MIPOL1: variants seen among roughly 807,000 people sequenced by gnomAD.
The protein encoded by MIPOL1 is mirror-image polydactyly 1.
MIPOL1 carries 57 observed loss-of-function variants against 60.9 expected under a neutral mutation model. The ratio of observed to expected loss-of-function variants is 0.94; its 90% confidence interval spans 0.76 to 1.17. MIPOL1 has a LOEUF of 1.17. MIPOL1 is among the 50% of genes most tolerant of loss of function. The pLI is 0.00. For synonymous variants in MIPOL1, 179 were observed against 168.8 expected, an observed-to-expected ratio of 1.06 and a Z score of -0.47; for missense variants, 551 against 511.6, an observed-to-expected ratio of 1.08 and a Z score of -0.74.
At chr14:37,200,848 CTATGTGTGTGTGTGTGTGTG>C (rs1339131157) in intron 1 of MIPOL1, among the ~76,000 whole-genome samples, 3 of 94,856 alleles carry the variant, frequency 3.2e-5, no homozygotes, top group Non-Finnish European at 6.3e-5. Flanking sequence ...CTATATCTAT[CTATGTGTGTGTGTGTGTGTG>C]TGTGTGTGTG....
intron 7 of MIPOL1, among the ~76,000 whole-genome samples, chr14:37,296,048 T>G (rs2085637363): frequency 6.6e-6 from 1 of 152,162 alleles, no homozygotes; most frequent in Non-Finnish European, 1.5e-5. Flanking sequence ...GACCACATAG[T>G]TGGAAGTAAA....
chr14:37,330,823 A>T (rs937717265), intron 9 of MIPOL1, among the ~76,000 whole-genome samples: 4 of 151,688 alleles, frequency 2.6e-5, no homozygotes, highest in Admixed American at 6.6e-5. Context: ...TTAGGATGCC[A>T]GGAGGAGAGA....
intron 1 of MIPOL1, among the ~76,000 whole-genome samples, chr14:37,220,375 CTTT>C (rs1968544020): frequency 6.6e-6 from 1 of 152,112 alleles, no homozygotes; most frequent in Non-Finnish European, 1.5e-5. Flanking sequence ...CAAACTTCTT[CTTT>C]AAGCAGCATG....
rs200786419 is a variant in MIPOL1, at chr14:37,435,755, A to G, written c.1031+12806A>G. Among the ~76,000 whole-genome samples the G allele has an allele frequency of 6.6e-5, 10 of 152,236 alleles. No homozygotes were observed. The East Asian group carries it at 1.9e-3, about 29-fold the overall frequency. On this transcript the variant is annotated intron_variant, in intron 11 of 12. Coordinates refer to ENST00000684589, the MANE Select transcript of MIPOL1 (RefSeq NM_001388067.1). ...TTTAACTTTCATTTCATACCCTAAT[A>G]AAGTGTTTGAATTTAAAAATTTTTT...
chr14:37,330,865 T>C lies in MIPOL1; in HGVS notation c.828+22346T>C, dbSNP rs564836295. Among the ~76,000 whole-genome samples, 13 of 152,254 alleles carry C rather than the reference T, an allele frequency of 8.5e-5. No individual in the cohort carries two copies. The South Asian group carries it at 2.3e-3, about 27-fold the overall frequency. Reference sequence around the variant, plus strand: ...AGGGATGGGTTAAACAGACAAGTGATAAATTAGTTTTTGTGACTTTTGTGT... The same window carrying C: ...AGGGATGGGTTAAACAGACAAGTGACAAATTAGTTTTTGTGACTTTTGTGT... On this transcript the variant is annotated intron_variant, in intron 9 of 12. Coordinates refer to ENST00000684589, the MANE Select transcript of MIPOL1 (RefSeq NM_001388067.1).
chr14:37,535,387 T>C (rs1232811786), intron 12 of MIPOL1, among the ~76,000 whole-genome samples: 2 of 152,202 alleles, frequency 1.3e-5, no homozygotes, highest in East Asian at 1.9e-4. Flanking sequence ...AGTTTCTTGC[T>C]GAATTTCAAG....
intron 3 of MIPOL1, among the ~76,000 whole-genome samples, chr14:37,261,185 G>A (rs1042312629): frequency 1.3e-5 from 2 of 151,466 alleles, no homozygotes; most frequent in African/African-American, 4.8e-5. Context: ...GAATTAGGTG[G>A]CATTCTATTT....
chr14:37,308,072 C>A lies in MIPOL1; in HGVS notation c.640C>A (p.Pro214Thr). 6.2e-7 allele frequency: 1 copy of A among 1,610,484 alleles called. No individual in the cohort carries two copies. Among genetic ancestry groups the A allele is most frequent in the African/African-American group, 1.3e-5 (1 of 74,768 alleles). The stretch of plus-strand genomic sequence containing the variant: ...TTTTTCTAGGCTAGAAAATATTAAC[C>A]CTGAAGAAAATGACATGGTAAGCCA... ...MSLKVLENIN[P>T]EENDMTLQEL... Residue 214 changes from proline to threonine, a missense_variant, in exon 8 of 13, where the codon CCT (proline) becomes ACT (threonine). Pro to Thr is a conservative substitution (Grantham distance 38). Coordinates refer to ENST00000684589, the MANE Select transcript of MIPOL1 (RefSeq NM_001388067.1).
intron 11 of MIPOL1, among the ~76,000 whole-genome samples, chr14:37,465,584 A>G (rs773639673): frequency 1.1e-4 from 16 of 152,106 alleles, no homozygotes; most frequent in Non-Finnish European, 2.2e-4. Flanking sequence ...TATTTTTTCA[A>G]TTTTAACCCT....
intron 7 of MIPOL1, among the ~76,000 whole-genome samples, chr14:37,298,495 A>G (rs917749496): frequency 3.3e-5 from 5 of 152,172 alleles, no homozygotes; most frequent in Admixed American, 2.6e-4. Flanking sequence ...AAAAGAAACC[A>G]CCATCAGAGT....
chr14:37,493,932 C>G (rs961267500), intron 11 of MIPOL1, among the ~76,000 whole-genome samples: 1 of 152,106 alleles, frequency 6.6e-6, no homozygotes, highest in Non-Finnish European at 1.5e-5. Flanking sequence ...AGTTATAATA[C>G]TACTACTACG....
At chr14:37,299,246 A>G (rs1350502152) in intron 7 of MIPOL1, among the ~76,000 whole-genome samples, 1 of 151,122 alleles carries the variant, frequency 6.6e-6, no homozygotes, top group East Asian at 2.0e-4. Context: ...GAATTGAACA[A>G]TGAGAACACA....
chr14:37,283,622 G>A (rs566463375), intron 6 of MIPOL1, among the ~76,000 whole-genome samples: 8 of 152,228 alleles, frequency 5.3e-5, no homozygotes, highest in South Asian at 4.1e-4. Flanking sequence ...CACATTGTGC[G>A]TCTGTGGTTT....
At chr14:37,300,111 A>G (rs191527374) in intron 7 of MIPOL1, among the ~76,000 whole-genome samples, 38 of 151,692 alleles carry the variant, frequency 2.5e-4, no homozygotes, top group Admixed American at 2.3e-3. Context: ...AACCTTGATC[A>G]TCTGGCCAAG....
At chr14:37,335,212 G>A (rs1276401484) in intron 9 of MIPOL1, among the ~76,000 whole-genome samples, 1 of 151,924 alleles carries the variant, frequency 6.6e-6, no homozygotes, top group East Asian at 1.9e-4. Context: ...GTGGATGTGA[G>A]GTAGTATCTT....
At chr14:37,516,120 A>G (rs944339933) in intron 12 of MIPOL1, among the ~76,000 whole-genome samples, 5 of 152,188 alleles carry the variant, frequency 3.3e-5, no homozygotes, top group African/African-American at 7.2e-5. Context: ...AGCCTTGTCT[A>G]TTCAGTGTGG....
chr14:37,474,315 G>T (rs2094733931), intron 11 of MIPOL1, among the ~76,000 whole-genome samples: 1 of 152,094 alleles, frequency 6.6e-6, no homozygotes. Flanking sequence ...ACATTCTTTG[G>T]CTGTGTCCCC....
At chr14:37,304,282 A>G (rs763243867) in intron 7 of MIPOL1, among the ~76,000 whole-genome samples, 2 of 151,354 alleles carry the variant, frequency 1.3e-5, no homozygotes, top group Non-Finnish European at 3.0e-5. Context: ...GCTTTGTCTT[A>G]TTCTGCCTCT....
intron 9 of MIPOL1, among the ~76,000 whole-genome samples, chr14:37,326,324 T>C (rs1344860882): frequency 1.3e-5 from 2 of 152,196 alleles, no homozygotes; most frequent in African/African-American, 4.8e-5. Flanking sequence ...TCATGTGTGC[T>C]TCCCTGTGAA....
Sources: gnomAD v4.1 joint callset for allele counts (sites outside exome capture counted in the v4.1 genomes callset) on GRCh38, gnomAD v4.1.1 for gene constraint, MANE v1.5 for transcripts, NCBI Gene and HGNC (gene_info 2026-07-23, HGNC 2026-07-21) for gene names.